The following HSD17B6 variants were observed in gnomAD, a reference collection of about 807,000 sequenced individuals.
HSD17B6 encodes 17-beta-hydroxysteroid dehydrogenase type 6.
Under a neutral mutation model 26.4 loss-of-function variants are expected in HSD17B6, and 16 were observed. That is an observed-to-expected ratio of 0.61 (90% CI 0.41 to 0.92). HSD17B6 has a LOEUF of 0.92. Among genes scored for constraint, HSD17B6 ranks in the 40% least tolerant of loss-of-function variants. HSD17B6 has a pLI of 0.00. For missense variants in HSD17B6, 357 were observed against 386.1 expected, an observed-to-expected ratio of 0.92 and a Z score of 0.63; for synonymous variants, 139 against 153.0, an observed-to-expected ratio of 0.91 and a Z score of 0.68.
At chr12:56,773,541 C>T (rs1954521539) in intron 1 of HSD17B6, among the ~76,000 whole-genome samples, 1 of 152,210 alleles carries the variant, frequency 6.6e-6, no homozygotes, top group South Asian at 2.1e-4. Context: ...ACTTACTTAT[C>T]CTATTTGGTA....
intron 1 of HSD17B6, among the ~76,000 whole-genome samples, chr12:56,769,090 T>G (rs1954410589): frequency 6.9e-6 from 1 of 144,416 alleles, no homozygotes; most frequent in Non-Finnish European, 1.5e-5. Flanking sequence ...GAGGGCAGTT[T>G]CAGCTTTTCA....
chr12:56,773,091 T>C (rs376860906), intron 1 of HSD17B6, among the ~76,000 whole-genome samples: 17 of 152,342 alleles, frequency 1.1e-4, no homozygotes, highest in African/African-American at 4.1e-4. Flanking sequence ...TAGGCATCTG[T>C]GAACACTCAT....
chr12:56,774,318 G>C (rs1010238804), intron 2 of HSD17B6, among the ~76,000 whole-genome samples, 153 bp downstream of exon 2: 1 of 152,126 alleles, frequency 6.6e-6, no homozygotes, highest in Non-Finnish European at 1.5e-5. Flanking sequence ...AAATAGTGCA[G>C]TATTTGGTTA....
At chr12:56,784,165 T>C (rs1349895709) in intron 3 of HSD17B6, among the ~76,000 whole-genome samples, 4 of 148,242 alleles carry the variant, frequency 2.7e-5, no homozygotes, top group South Asian at 2.2e-4. Context: ...GGATGGCGGC[T>C]GGGCAGAGAC....
intron 1 of HSD17B6, 128 bp from the exon 2 acceptor site, chr12:56,773,706 G>C: frequency 1.1e-6 from 1 of 871,104 alleles, no homozygotes; most frequent in Non-Finnish European, 1.6e-6. Flanking sequence ...CCCCTTGAGG[G>C]TAGGACTAAG....
At chr12:56,782,648 CATGCCCAGCTA>C (rs1326862854) in intron 3 of HSD17B6, among the ~76,000 whole-genome samples, 6 of 150,692 alleles carry the variant, frequency 4.0e-5, no homozygotes, top group African/African-American at 1.5e-4. Context: ...TGCACGCTGC[CATGCCCAGCTA>C]ATTTTTTTTT....
At chr12:56,766,646 G>A (rs1861867076) in intron 1 of HSD17B6, among the ~76,000 whole-genome samples, 2 of 152,182 alleles carry the variant, frequency 1.3e-5, no homozygotes, top group South Asian at 4.1e-4. Context: ...GAGTGACATC[G>A]GCAGAGCTGC....
At chr12:56,783,343 G>A (rs76039128) in intron 3 of HSD17B6, among the ~76,000 whole-genome samples, 12,434 of 135,700 alleles carry the variant, frequency 0.092, 774 homozygotes, top group African/African-American at 0.16. Context: ...CTCCCGGACG[G>A]GGCGGCTGGC....
In HSD17B6 at chr12:56,782,061, T is replaced by A. The variant is rs201697172; in HGVS notation, c.401T>A (p.Leu134His). The A allele has an allele frequency of 1.2e-6, 2 of 1,614,200 alleles. No homozygotes were observed. Among genetic ancestry groups the A allele is most frequent in the Non-Finnish European group, 1.7e-6 (2 of 1,180,030 alleles). ...AACACTGAGGACTCTATGAATATGC[T>A]CAAAGTGAACCTCATTGGTGTGATC... ...WLNTEDSMNM[L>H]KVNLIGVIQV... The change falls in exon 3 of 5, where the codon CTC becomes CAC. Residue 134 changes from leucine to histidine, a missense_variant. By Grantham distance (99) the Leu-to-His change is moderately conservative (BLOSUM62 -3). Coordinates refer to ENST00000322165, the MANE Select transcript of HSD17B6 (RefSeq NM_003725.4).
intron 2 of HSD17B6, among the ~76,000 whole-genome samples, chr12:56,777,320 T>C (rs114465000): frequency 6.6e-6 from 1 of 151,954 alleles, no homozygotes; most frequent in African/African-American, 2.4e-5. Flanking sequence ...GGTCTCAGAC[T>C]CCTGGGCTCA....
chr12:56,778,335 T>A (rs1003879760), intron 2 of HSD17B6, among the ~76,000 whole-genome samples: 1 of 152,226 alleles, frequency 6.6e-6, no homozygotes, highest in Non-Finnish European at 1.5e-5. Context: ...TCACCCAGGC[T>A]GGAGTGCAGT....
At chr12:56,774,226 T>A (rs1592363715) in intron 2 of HSD17B6, 61 bp downstream of exon 2, 1 of 1,449,966 alleles carries the variant, frequency 6.9e-7, no homozygotes, top group East Asian at 2.3e-5. Context: ...ATATATACAG[T>A]TGTTCCTTGG....
chr12:56,786,152 T>C (rs1954868955), intron 4 of HSD17B6: 2 of 165,616 alleles, frequency 1.2e-5, no homozygotes, highest in Non-Finnish European at 2.5e-5. Flanking sequence ...AATATCTCAA[T>C]AATGTTAAAA....
intron 3 of HSD17B6, among the ~76,000 whole-genome samples, chr12:56,784,282 G>A (rs571281165): frequency 4.6e-5 from 7 of 152,278 alleles, no homozygotes; most frequent in South Asian, 4.1e-4. Context: ...GGTGGCAGCC[G>A]GGCAGAGGCT....
At chr12:56,784,818 G>C in intron 3 of HSD17B6, 35 bp from the exon 4 acceptor site, 1 of 1,595,984 alleles carries the variant, frequency 6.3e-7, no homozygotes, top group Non-Finnish European at 8.5e-7. Context: ...AAATGGTGGT[G>C]GTCTTTAATC....
intron 4 of HSD17B6, chr12:56,786,011 AT>A: frequency 1.1e-6 from 1 of 938,150 alleles, no homozygotes; most frequent in Non-Finnish European, 1.3e-6. Flanking sequence ...ATGACTTCTA[AT>A]AGGTACAGGG....
At chr12:56,763,901 C>G (rs1954260400) in intron 1 of HSD17B6, among the ~76,000 whole-genome samples, 1 of 151,048 alleles carries the variant, frequency 6.6e-6, no homozygotes, top group Non-Finnish European at 1.5e-5. Context: ...AACCCTGTCT[C>G]TACAAAAAAT....
At chr12:56,774,409 T>G (rs1254324513) in intron 2 of HSD17B6, among the ~76,000 whole-genome samples, 2 of 152,170 alleles carry the variant, frequency 1.3e-5, no homozygotes, top group Non-Finnish European at 2.9e-5. Context: ...TTGTAAATGA[T>G]ATGTAAATAG....
Position 56,787,153 on chromosome 12 carries a change from G to C in HSD17B6, c.765G>C (p.Leu255Phe). 1 of 1,614,048 alleles carries C rather than the reference G, an allele frequency of 6.2e-7. No homozygotes were observed. The highest frequency in any genetic ancestry group is 8.5e-7 in the Non-Finnish European group (1 of 1,179,920). Residue 255 changes from leucine to phenylalanine, a missense_variant, in exon 5 of 5, where the codon TTG becomes TTC. By Grantham distance (22) the Leu-to-Phe change is conservative. Coordinates refer to ENST00000322165, the MANE Select transcript of HSD17B6 (RefSeq NM_003725.4). ...ACAATATCATGAAGGAAGGGCTGTTGAATTGTAGCACAAACCTGAACCTGG... is the reference window on the plus strand; with the variant it reads ...ACAATATCATGAAGGAAGGGCTGTTCAATTGTAGCACAAACCTGAACCTGG... Reference protein sequence around the residue: ...ALYNIMKEGLLNCSTNLNLVT... With the variant: ...ALYNIMKEGLFNCSTNLNLVT...
Sources: gnomAD v4.1 joint callset for allele counts (sites outside exome capture counted in the v4.1 genomes callset) on GRCh38, gnomAD v4.1.1 for gene constraint, MANE v1.5 for transcripts, NCBI Gene and HGNC (gene_info 2026-07-23, HGNC 2026-07-21) for gene names.